TRMT11: variants seen among roughly 807,000 people sequenced by gnomAD.
The protein encoded by TRMT11 is tRNA (guanine(10)-N(2))-methyltransferase TRMT11.
Under a neutral mutation model 62.8 loss-of-function variants are expected in TRMT11, and 53 were observed. The observed-to-expected ratio is 0.84, with a 90% CI of 0.68 to 1.06. The LOEUF (loss-of-function observed/expected upper bound fraction) is 1.06. Among genes scored for constraint, TRMT11 ranks in the 50% least tolerant of loss-of-function variants. The pLI is 0.00. For missense variants in TRMT11, 556 were observed against 553.4 expected (o/e 1.00, Z -0.05); for synonymous variants, 188 against 190.3 (o/e 0.99, Z 0.10).
At chr6:126,073,654 C>G (rs755726539) in intron 17 of TRMT11, among the ~76,000 whole-genome samples, 6 of 151,802 alleles carry the variant, frequency 4.0e-5, no homozygotes, top group Non-Finnish European at 7.4e-5. Flanking sequence ...CTATTACAGT[C>G]AGTGGATATC....
At chr6:126,150,643 CTG>C (rs1477566486) in intron 21 of TRMT11, among the ~76,000 whole-genome samples, 8 of 152,322 alleles carry the variant, frequency 5.3e-5, no homozygotes, top group African/African-American at 1.4e-4. Context: ...CATGGATTGT[CTG>C]TGCTTACTGC....
At chr6:126,225,731 C>T in the TRMT11 span, among the ~76,000 whole-genome samples, 6 of 124,026 alleles carry the variant, frequency 4.8e-5, no homozygotes, top group African/African-American at 2.0e-4. Context: ...CTTGGTCTGT[C>T]CCAGGCCGAA....
intron 21 of TRMT11, among the ~76,000 whole-genome samples, chr6:126,169,794 C>A (rs1778310325): frequency 6.6e-6 from 1 of 152,110 alleles, no homozygotes; most frequent in Admixed American, 6.5e-5. Context: ...CAGGTCCCAG[C>A]TGGTAATGGA....
chr6:126,044,300 G>A (rs1038555712), intron 16 of TRMT11, among the ~76,000 whole-genome samples: 3 of 152,120 alleles, frequency 2.0e-5, no homozygotes, highest in Non-Finnish European at 2.9e-5. Flanking sequence ...AGCACCATTT[G>A]TTAAATAGGG....
intron 16 of TRMT11, among the ~76,000 whole-genome samples, chr6:126,050,425 A>G (rs1283305786): frequency 6.6e-6 from 1 of 152,064 alleles, no homozygotes; most frequent in Non-Finnish European, 1.5e-5. Flanking sequence ...TTGGGGTGTC[A>G]GTTGCAGTGG....
At chr6:126,235,385 T>A in the TRMT11 span, among the ~76,000 whole-genome samples, 1 of 152,192 alleles carries the variant, frequency 6.6e-6, no homozygotes, top group African/African-American at 2.4e-5. Flanking sequence ...ACCATTCTAT[T>A]ACAAAGGTAC....
the TRMT11 span, among the ~76,000 whole-genome samples, chr6:126,235,465 AG>A: frequency 2.0e-5 from 3 of 152,248 alleles, no homozygotes; most frequent in East Asian, 5.8e-4. Context: ...CATGCCCATC[AG>A]TGATAGACAG....
At chr6:126,184,680 T>G (rs1239733181) in intron 1 of TRMT11, among the ~76,000 whole-genome samples, 1 of 152,062 alleles carries the variant, frequency 6.6e-6, no homozygotes, top group Non-Finnish European at 1.5e-5. Context: ...CTTCTTGGGC[T>G]CCCTCAACTG....
chr6:126,198,516 C>G (rs149709304), intron 1 of TRMT11, among the ~76,000 whole-genome samples: 19 of 152,278 alleles, frequency 1.2e-4, no homozygotes, highest in African/African-American at 4.6e-4. Context: ...TCCAGAAACA[C>G]AAAGCCTGGA....
At chr6:126,265,313 A>G in the TRMT11 span, among the ~76,000 whole-genome samples, 1 of 152,064 alleles carries the variant, frequency 6.6e-6, no homozygotes, top group African/African-American at 2.4e-5. Flanking sequence ...CTATAGTATT[A>G]TTTTTGCTGT....
chr6:126,001,909 C>G (rs1200678111), intron 7 of TRMT11, among the ~76,000 whole-genome samples: 1 of 151,984 alleles, frequency 6.6e-6, no homozygotes, highest in Non-Finnish European at 1.5e-5. Context: ...ATGGGTTCTC[C>G]TTTTTAACCC....
chr6:126,228,945 T>A, the TRMT11 span, among the ~76,000 whole-genome samples: 5 of 152,184 alleles, frequency 3.3e-5, no homozygotes, highest in Non-Finnish European at 7.3e-5. Context: ...TCAAATTAGT[T>A]CTGGTGCTTT....
intron 21 of TRMT11, among the ~76,000 whole-genome samples, chr6:126,161,458 C>T (rs1026635301): frequency 6.6e-6 from 1 of 152,176 alleles, no homozygotes; most frequent in Admixed American, 6.5e-5. Flanking sequence ...ATATGTGCCA[C>T]ATTTTCTTTA....
chr6:126,019,496 T>C (rs1001160388), intron 11 of TRMT11, among the ~76,000 whole-genome samples: 3 of 152,192 alleles, frequency 2.0e-5, no homozygotes, highest in Non-Finnish European at 4.4e-5. Context: ...AGTTTATATC[T>C]AATTTATGCT....
At chr6:126,062,861 A>C (rs1776576441) in intron 17 of TRMT11, among the ~76,000 whole-genome samples, 1 of 152,222 alleles carries the variant, frequency 6.6e-6, no homozygotes, top group Admixed American at 6.5e-5. Flanking sequence ...AAATTGAATC[A>C]AGCCTCAAGA....
At position 126,151,880 on chromosome 6, in the gene TRMT11, C is replaced by T. The variant is rs1562334865; in HGVS notation, c.*1824-22945C>T. ...TTTCTTTCTTTCCTTCTTTCTCCTTCCTTCCTTGTCTTTTTCTTTCTTTTC... is the reference window on the plus strand; with the variant it reads ...TTTCTTTCTTTCCTTCTTTCTCCTTTCTTCCTTGTCTTTTTCTTTCTTTTC... On this transcript the variant is annotated intron_variant and NMD_transcript_variant, in intron 21 of 22. Transcript: ENST00000648977. Among the ~76,000 whole-genome samples the T allele has an allele frequency of 2.9e-3, 155 of 52,624 alleles. 2 individuals are homozygous for T. The highest frequency in any genetic ancestry group is 1.0e-2 in the South Asian group (16 of 1,606). 34.5% of individuals were successfully genotyped at this position (52,624 alleles called of 152,430 possible).
At chr6:126,218,113 G>A in the TRMT11 span, among the ~76,000 whole-genome samples, 4 of 152,156 alleles carry the variant, frequency 2.6e-5, no homozygotes, top group Non-Finnish European at 5.9e-5. Flanking sequence ...GTACTGCCAG[G>A]GCAGTGGACT....
intron 12 of TRMT11, among the ~76,000 whole-genome samples, chr6:126,032,272 C>T (rs1774344149): frequency 6.6e-6 from 1 of 152,122 alleles, no homozygotes; most frequent in Non-Finnish European, 1.5e-5. Context: ...AAGGAAACTC[C>T]TCTGCTTAAA....
chr6:126,092,622 C>T lies in TRMT11; in HGVS notation c.*1438-20244C>T, dbSNP rs6916356. ...TGGTTTTCTAACTTTGTTAGATAGA[C>T]GAACTAGAGAACACAATGAATACAA... On this transcript the variant is annotated intron_variant and NMD_transcript_variant, in intron 17 of 22. Transcript: ENST00000648977. 2.1e-3 allele frequency among the ~76,000 whole-genome samples: 326 copies of T among 152,162 alleles called. 2 individuals carry two copies. The highest frequency in any genetic ancestry group is 6.8e-3 in the Middle Eastern group (2 of 294).
Sources: allele counts gnomAD v4.1 joint callset (sites outside exome capture counted in the v4.1 genomes callset), GRCh38; gene constraint gnomAD v4.1.1; transcripts MANE v1.5; gene names NCBI Gene and HGNC (gene_info 2026-07-23, HGNC 2026-07-21).